LUZP2: variants seen among roughly 807,000 people sequenced by gnomAD.
LUZP2 encodes the protein leucine zipper protein 2.
LUZP2 carries 52 observed loss-of-function variants against 51.6 expected under a neutral mutation model. The observed-to-expected ratio is 1.01, with a 90% CI of 0.81 to 1.27. The LOEUF (loss-of-function observed/expected upper bound fraction) is 1.27. Ranked by LOEUF, LUZP2 falls within the 50% of genes most tolerant of loss-of-function variation. The pLI is 0.00. For missense variants in LUZP2, 436 were observed against 395.4 expected (o/e 1.10, Z -0.87); for synonymous variants, 154 against 137.3 (o/e 1.12, Z -0.85).
At chr11:24,587,863 G>A (rs865896638) in intron 1 of LUZP2, among the ~76,000 whole-genome samples, 1 of 152,016 alleles carries the variant, frequency 6.6e-6, no homozygotes, top group South Asian at 2.1e-4. Context: ...TTATACAGAT[G>A]TGTCAGAGGG....
At chr11:24,740,502 C>T (rs1025399749) in intron 4 of LUZP2, among the ~76,000 whole-genome samples, 1 of 152,086 alleles carries the variant, frequency 6.6e-6, no homozygotes, top group Non-Finnish European at 1.5e-5. Context: ...TAAAGAAACT[C>T]ATAACTTAAT....
At chr11:24,855,176 A>G (rs961733317) in intron 5 of LUZP2, among the ~76,000 whole-genome samples, 1 of 152,222 alleles carries the variant, frequency 6.6e-6, no homozygotes, top group Non-Finnish European at 1.5e-5. Context: ...AAATTAGAAA[A>G]GAGGAAGTCA....
At chr11:24,570,571 G>A (rs1011067365) in intron 1 of LUZP2, among the ~76,000 whole-genome samples, 1 of 151,836 alleles carries the variant, frequency 6.6e-6, no homozygotes, top group African/African-American at 2.4e-5. Context: ...CAACACACTG[G>A]GGCATGTCCA....
intron 1 of LUZP2, among the ~76,000 whole-genome samples, chr11:24,658,636 C>A (rs1855903770): frequency 3.3e-5 from 5 of 152,158 alleles, no homozygotes; most frequent in Non-Finnish European, 7.4e-5. Flanking sequence ...AGTGAACAGG[C>A]AACCTACAGA....
chr11:24,946,577 TTTC>T (rs1171713055), intron 7 of LUZP2, among the ~76,000 whole-genome samples: 1 of 152,026 alleles, frequency 6.6e-6, no homozygotes, highest in Non-Finnish European at 1.5e-5. Context: ...TACTAATTTA[TTTC>T]TAGTGAAGAA....
At chr11:24,959,548 T>C (rs1855329077) in intron 7 of LUZP2, among the ~76,000 whole-genome samples, 1 of 152,162 alleles carries the variant, frequency 6.6e-6, no homozygotes, top group Non-Finnish European at 1.5e-5. Flanking sequence ...ATGATTTGGC[T>C]GTTTGTCTGT....
intron 9 of LUZP2, among the ~76,000 whole-genome samples, chr11:25,013,119 G>C (rs1210416974): frequency 6.6e-6 from 1 of 152,016 alleles, no homozygotes; most frequent in Admixed American, 6.6e-5. Context: ...AATAAGCCGG[G>C]GACCAAAAGT....
intron 5 of LUZP2, among the ~76,000 whole-genome samples, chr11:24,798,068 G>C (rs1849594418): frequency 6.6e-6 from 1 of 152,056 alleles, no homozygotes; most frequent in South Asian, 2.1e-4. Flanking sequence ...TTATTAAAAA[G>C]AAGTCCTTTT....
chr11:24,564,480 G>A (rs1475505746), intron 1 of LUZP2, among the ~76,000 whole-genome samples: 2 of 152,042 alleles, frequency 1.3e-5, no homozygotes, highest in African/African-American at 4.8e-5. Flanking sequence ...TCTTAATGGA[G>A]CATACAGATT....
intron 1 of LUZP2, among the ~76,000 whole-genome samples, chr11:24,641,095 G>A (rs1324531965): frequency 6.6e-6 from 1 of 150,976 alleles, no homozygotes; most frequent in African/African-American, 2.5e-5. Context: ...TTTATTTTTT[G>A]TGGAGATGAG....
At chr11:24,582,970 A>G (rs1852925342) in intron 1 of LUZP2, among the ~76,000 whole-genome samples, 1 of 152,192 alleles carries the variant, frequency 6.6e-6, no homozygotes, top group Non-Finnish European at 1.5e-5. Flanking sequence ...GACAAATTCT[A>G]TGCAGCAAAC....
intron 1 of LUZP2, among the ~76,000 whole-genome samples, chr11:24,589,643 T>A (rs1360529143): frequency 3.3e-5 from 5 of 152,180 alleles, no homozygotes; most frequent in African/African-American, 1.2e-4. Flanking sequence ...ACAATTTTTT[T>A]AAGGAATTCT....
At chr11:24,880,530 T>C (rs888438251) in intron 5 of LUZP2, among the ~76,000 whole-genome samples, 1 of 152,184 alleles carries the variant, frequency 6.6e-6, no homozygotes, top group Non-Finnish European at 1.5e-5. Flanking sequence ...GCTCTGTCCC[T>C]TTTCTAGAAC....
chr11:24,525,524 T>C (rs914557473), intron 1 of LUZP2, among the ~76,000 whole-genome samples: 13 of 151,514 alleles, frequency 8.6e-5, no homozygotes, highest in African/African-American at 3.1e-4. Context: ...AAAGAATATG[T>C]ATGTTGTCAT....
chr11:24,863,892 C>T (rs1851811451), intron 5 of LUZP2, among the ~76,000 whole-genome samples: 1 of 151,922 alleles, frequency 6.6e-6, no homozygotes, highest in Admixed American at 6.6e-5. Context: ...ATAATGATAC[C>T]TCACATCTGA....
chr11:25,073,677 T>G (rs1399337574), intron 10 of LUZP2, among the ~76,000 whole-genome samples: 1 of 152,180 alleles, frequency 6.6e-6, no homozygotes, highest in East Asian at 1.9e-4. Flanking sequence ...AGCACCTTCT[T>G]CATTTCCTTT....
chr11:24,738,072 A>G, intron 3 of LUZP2, 149 bp from the exon 4 acceptor site: 1 of 477,922 alleles, frequency 2.1e-6, no homozygotes, highest in East Asian at 3.2e-5. Context: ...ATCTTTAGAC[A>G]CATCCTGTAT....
intron 9 of LUZP2, among the ~76,000 whole-genome samples, chr11:25,039,251 T>A (rs1857962265): frequency 6.6e-6 from 1 of 152,102 alleles, no homozygotes. Flanking sequence ...CTTCTGTGGA[T>A]CCTTGGGGTT....
At chr11:24,513,230 G>A (rs958246569) in intron 1 of LUZP2, among the ~76,000 whole-genome samples, 1 of 152,048 alleles carries the variant, frequency 6.6e-6, no homozygotes, top group Non-Finnish European at 1.5e-5. Flanking sequence ...AATTGTATTT[G>A]CTGACATGCA....
Sources: allele counts gnomAD v4.1 joint callset (sites outside exome capture counted in the v4.1 genomes callset), GRCh38; gene constraint gnomAD v4.1.1; transcripts MANE v1.5; gene names NCBI Gene and HGNC (gene_info 2026-07-23, HGNC 2026-07-21).